The following BCAS3 variants were observed in gnomAD, a reference collection of about 807,000 sequenced individuals.
BCAS3 encodes BCAS3 microtubule associated cell migration factor, also known as BCAS4/BCAS3 fusion.
Under a neutral mutation model 116.1 loss-of-function variants are expected in BCAS3, and 53 were observed. That is an observed-to-expected ratio of 0.46 (90% CI 0.37 to 0.57). BCAS3 has a LOEUF of 0.57. BCAS3 is among the 20% of genes least tolerant of loss of function. BCAS3 has a pLI of 0.00. For missense variants in BCAS3, 917 were observed against 1,165.4 expected (o/e 0.79, Z 3.10); for synonymous variants, 391 against 408.2 (o/e 0.96, Z 0.51).
chr17:61,005,512 T>C (rs1042681610), intron 15 of BCAS3, among the ~76,000 whole-genome samples: 1 of 152,126 alleles, frequency 6.6e-6, no homozygotes, highest in African/African-American at 2.4e-5. Context: ...CCCATCTTTG[T>C]ATGGTTGTTA....
chr17:61,330,048 A>G (rs2056134248), intron 22 of BCAS3, among the ~76,000 whole-genome samples: 1 of 152,234 alleles, frequency 6.6e-6, no homozygotes, highest in Admixed American at 6.5e-5. Context: ...CCAATGTTGC[A>G]GTACAGAATT....
intron 22 of BCAS3, among the ~76,000 whole-genome samples, chr17:61,150,776 T>C (rs2077499845): frequency 6.6e-6 from 1 of 152,230 alleles, no homozygotes; most frequent in Non-Finnish European, 1.5e-5. Context: ...CTTTTGGAAC[T>C]TGTGACAGGG....
At position 61,198,124 on chromosome 17, in the gene BCAS3, CAAGAT is replaced by C. The variant is rs2080594138; in HGVS notation, c.2425+113562_2425+113566del. The stretch of plus-strand genomic sequence containing the variant: ...GCTGATATGCGATTAAGATAAAGTG[CAAGAT>C]ATGTTTTTTTTTTTTCTTTTTTTTT... On this transcript the variant is annotated intron_variant, in intron 22 of 23. Transcript: ENST00000407086. The surrounding 1 kb of genome is among the most constrained non-coding windows in gnomAD (Gnocchi z 5.0). Among the ~76,000 whole-genome samples the C allele has an allele frequency of 6.8e-6, 1 of 146,992 alleles. No individual in the cohort carries two copies. The highest frequency in any genetic ancestry group is 7.1e-5 in the Admixed American group (1 of 14,038).
chr17:61,283,478 G>A (rs2051424630), intron 22 of BCAS3, among the ~76,000 whole-genome samples: 1 of 148,238 alleles, frequency 6.7e-6, no homozygotes, highest in Non-Finnish European at 1.5e-5. Context: ...TTTTTGAGAC[G>A]AGTCTGGCTC....
rs2069352721 is a variant in BCAS3 at position 61,056,084 on chromosome 17, C to G, written c.2029+15192C>G. Among the ~76,000 whole-genome samples, 1 of 152,196 alleles carries G rather than the reference C, an allele frequency of 6.6e-6. No individual in the cohort carries two copies. The highest frequency in any genetic ancestry group is 2.1e-4 in the South Asian group (1 of 4,826). ...TTGACCCTTCCTTGGTCACTGCATT[C>G]CAGATTTCTTTCGTGGTATAAATGT... On this transcript the variant is annotated intron_variant, in intron 19 of 23. Coordinates refer to ENST00000407086, the MANE Select transcript of BCAS3 (RefSeq NM_017679.5). This position sits in a 1 kb window ranked among gnomAD's most constrained non-coding sequence, Gnocchi z 4.9.
intron 22 of BCAS3, among the ~76,000 whole-genome samples, chr17:61,225,606 T>A (rs1026749709): frequency 2.0e-5 from 3 of 152,194 alleles, no homozygotes; most frequent in African/African-American, 7.2e-5. Context: ...CTTAATTATC[T>A]CAGTTTTAAG....
intron 6 of BCAS3, among the ~76,000 whole-genome samples, chr17:60,784,500 T>C (rs1235840930): frequency 2.6e-5 from 4 of 151,522 alleles, no homozygotes; most frequent in Non-Finnish European, 5.9e-5. Flanking sequence ...AGACGGGGTT[T>C]TACCATGTTA....
chr17:60,802,296 AT>A (rs1320224684), intron 6 of BCAS3, among the ~76,000 whole-genome samples: 1,854 of 99,288 alleles, frequency 0.019, 20 homozygotes, highest in African/African-American at 0.067. Flanking sequence ...AAAAAAAAAA[AT>A]ATATATATAT....
intron 22 of BCAS3, among the ~76,000 whole-genome samples, chr17:61,165,924 G>A (rs1309629861): frequency 1.3e-5 from 2 of 152,116 alleles, no homozygotes; most frequent in African/African-American, 4.8e-5. Flanking sequence ...GGTTATTTCA[G>A]CATAGTTACT....
intron 5 of BCAS3, among the ~76,000 whole-genome samples, chr17:60,733,414 G>A (rs1283259162): frequency 6.6e-6 from 1 of 152,198 alleles, no homozygotes; most frequent in African/African-American, 2.4e-5. Flanking sequence ...CTTCCCAGGT[G>A]AAATTAGAGC....
chr17:61,094,191 A>G (rs1229043471), intron 22 of BCAS3, among the ~76,000 whole-genome samples: 1 of 152,218 alleles, frequency 6.6e-6, no homozygotes. Flanking sequence ...AATATCTTTA[A>G]AGCAGTAAAA....
Position 60,871,156 on chromosome 17 carries a change from A to T in BCAS3, c.584+2473A>T, listed in dbSNP as rs372773653. Among the ~76,000 whole-genome samples, 236 of 152,048 alleles carry T rather than the reference A, an allele frequency of 1.6e-3. 8 individuals are homozygous for T. In the South Asian group the frequency reaches 0.046, roughly 30 times the overall value. ...GTGATGTAGGTAATTTATGAATTCT[A>T]TTTCCTTTTCTTTTTTGGGAGTTGG... On this transcript the variant is annotated intron_variant, in intron 8 of 23. Transcript: ENST00000407086.
rs1164813680 is a variant in BCAS3 at position 61,141,294 on chromosome 17, A to C, written c.2425+56730A>C. Among the ~76,000 whole-genome samples, 1 of 152,222 alleles carries C rather than the reference A, an allele frequency of 6.6e-6. No individual in the cohort carries two copies. The highest frequency in any genetic ancestry group is 1.5e-5 in the Non-Finnish European group (1 of 68,048). On this transcript the variant is annotated intron_variant, in intron 22 of 23. Coordinates refer to ENST00000407086, the MANE Select transcript of BCAS3 (RefSeq NM_017679.5). This position sits in a 1 kb window ranked among gnomAD's most constrained non-coding sequence, Gnocchi z 4.3. Reference sequence around the variant, plus strand: ...TAAATTAGGCTGGGCATGGGGGTTCATTCCTGTAATCCCAGCATGTTGGGA... The same window carrying C: ...TAAATTAGGCTGGGCATGGGGGTTCCTTCCTGTAATCCCAGCATGTTGGGA...
intron 22 of BCAS3, chr17:61,245,066 G>A (rs531352897): frequency 1.3e-5 from 2 of 152,478 alleles, no homozygotes; most frequent in South Asian, 4.1e-4. Context: ...AAGGAAAGAG[G>A]TTTAATGGAC....
chr17:60,851,248 T>G (rs1056928010), intron 7 of BCAS3: 4 of 230,678 alleles, frequency 1.7e-5, no homozygotes, highest in Admixed American at 1.1e-4. Context: ...ACAATCCTAT[T>G]AAAAAATGAG....
Position 61,015,883 on chromosome 17 carries a change from C to A in BCAS3, c.1619C>A (p.Thr540Asn), listed in dbSNP as rs763104700. ...AQIKQPMTLG[T>N]ITKRTGKVKP... ...ATCAAGCAGCCAATGACATTGGGGACCATCACCAAACGAACCGGGTAAGGC... is the reference window on the plus strand; with the variant it reads ...ATCAAGCAGCCAATGACATTGGGGAACATCACCAAACGAACCGGGTAAGGC... Residue 540 changes from threonine (T) to asparagine (N), a missense_variant, in exon 16 of 24, where the codon ACC becomes AAC. Physicochemically the swap from Thr to Asn is moderately conservative, Grantham distance 65. Transcript: ENST00000407086. 2 of 1,614,010 alleles carry A rather than the reference C, an allele frequency of 1.2e-6. No homozygotes were observed. The highest frequency in any genetic ancestry group is 8.5e-7 in the Non-Finnish European group (1 of 1,179,944).
In BCAS3 at chr17:61,123,221, G is replaced by A. The variant is rs116908311; in HGVS notation, c.2425+38657G>A. On this transcript the variant is annotated intron_variant, in intron 22 of 23. Transcript: ENST00000407086. ...GCCTCCCAAGGTGCTAGGATTACAG[G>A]CATGATCCACCACACCCAGCCACTG... Among the ~76,000 whole-genome samples the A allele has an allele frequency of 4.5e-3, 689 of 152,072 alleles. 4 individuals carry two copies. Among genetic ancestry groups the A allele is most frequent in the Non-Finnish European group, 6.8e-3 (460 of 67,978 alleles).
At chr17:60,838,798 T>C (rs569329370) in intron 7 of BCAS3, among the ~76,000 whole-genome samples, 2 of 152,240 alleles carry the variant, frequency 1.3e-5, no homozygotes, top group South Asian at 2.1e-4. Context: ...GCTGTACTTA[T>C]GCATGGTTTT....
chr17:61,058,806 A>G (rs2069662577), intron 19 of BCAS3, among the ~76,000 whole-genome samples: 1 of 152,184 alleles, frequency 6.6e-6, no homozygotes, highest in Non-Finnish European at 1.5e-5. Context: ...CATTGAATAG[A>G]CAAACAACAG....
Sources: allele counts gnomAD v4.1 joint callset (sites outside exome capture counted in the v4.1 genomes callset), GRCh38; gene constraint gnomAD v4.1.1; non-coding constraint Gnocchi (gnomAD v3.1); transcripts MANE v1.5; gene names NCBI Gene and HGNC (gene_info 2026-07-23, HGNC 2026-07-21).